Variants in DDX60 observed in about 807,000 individuals in gnomAD.
DDX60 encodes the protein probable ATP-dependent RNA helicase DDX60.
Under a neutral mutation model 212.8 loss-of-function variants are expected in DDX60, and 165 were observed. The ratio of observed to expected loss-of-function variants is 0.78; its 90% confidence interval spans 0.68 to 0.88. DDX60 has a LOEUF of 0.88. Among genes scored for constraint, DDX60 ranks in the 40% least tolerant of loss-of-function variants. The pLI, the probability that DDX60 is intolerant of heterozygous loss-of-function variation, is 0.00. For missense variants in DDX60, 1,905 were observed against 2,003.9 expected, an observed-to-expected ratio of 0.95 and a Z score of 0.94; for synonymous variants, 703 against 685.3, an observed-to-expected ratio of 1.03 and a Z score of -0.40.
At chr4:168,255,316 T>C (rs1431612450) in intron 26 of DDX60, among the ~76,000 whole-genome samples, 1 of 152,224 alleles carries the variant, frequency 6.6e-6, no homozygotes. Context: ...TGATGTTATA[T>C]TAGTGAGACT....
intron 32 of DDX60, 147 bp downstream of exon 32, chr4:168,237,139 T>G: frequency 1.9e-6 from 1 of 512,968 alleles, no homozygotes; most frequent in Non-Finnish European, 3.0e-6. Context: ...TAGTAGGTAT[T>G]TACTTTATCA....
At chr4:168,262,616 G>T in intron 23 of DDX60, 67 bp downstream of exon 23, 3 of 1,055,018 alleles carry the variant, frequency 2.8e-6, no homozygotes, top group Non-Finnish European at 4.2e-6. Flanking sequence ...CCAGTGATTA[G>T]AAAGGGTGAG....
In DDX60 at chr4:168,285,067, T is replaced by G. The variant is rs796234028; in HGVS notation, c.1446-132A>C. On this transcript the variant is annotated intron_variant, in intron 11 of 37. Transcript: ENST00000393743. ...CTGCAATATGATGTGGGTGGTAGAC[T>G]CCAAACAGCAGTTTATTAGAGGTTT... 3.4e-5 allele frequency: 19 copies of G among 564,962 alleles called. No homozygotes were observed. In the African/African-American group the frequency reaches 3.6e-4, roughly 11 times the overall value. 35.0% of individuals were successfully genotyped at this position (564,962 alleles called of 1,614,324 possible).
Position 168,274,075 on chromosome 4 carries a change from G to C in DDX60, c.2313C>G (p.Leu771=). The part of the protein sequence containing the change: ...DFIPDTWQRE[L]LDVVDKNESA... ...ACTCATTCTTATCCACAACATCAAGGAGCTCTCGCTGCAGGGTGCAGAGTA... is the reference window on the plus strand; with the variant it reads ...ACTCATTCTTATCCACAACATCAAGCAGCTCTCGCTGCAGGGTGCAGAGTA... The change falls in exon 17 of 38, where the codon CTC becomes CTG. Residue 771 remains leucine, a synonymous_variant. Coordinates refer to ENST00000393743, the MANE Select transcript of DDX60 (RefSeq NM_017631.6). The C allele has an allele frequency of 1.2e-6, 2 of 1,614,154 alleles. No homozygotes were observed. The highest frequency in any genetic ancestry group is 2.2e-5 in the East Asian group (1 of 44,878).
chr4:168,290,870 C>A (rs1702493858), intron 8 of DDX60, among the ~76,000 whole-genome samples: 1 of 152,126 alleles, frequency 6.6e-6, no homozygotes, highest in Non-Finnish European at 1.5e-5. Context: ...CCACAATGTA[C>A]TAAATGTTTG....
intron 9 of DDX60, 38 bp downstream of exon 9, chr4:168,288,136 G>A (rs1367682077): frequency 2.3e-6 from 3 of 1,293,670 alleles, no homozygotes; most frequent in Non-Finnish European, 3.1e-6. Context: ...AAGTTTATCT[G>A]TGGATGGAAG....
Position 168,221,804 on chromosome 4 carries a change from C to T in DDX60, c.4902G>A (p.Arg1634=). The change falls in exon 36 of 38, where the codon AGG becomes AGA. Residue 1634 remains arginine (R), a synonymous_variant. Transcript: ENST00000393743. ...LLSQKFDNRG[R]KMSLNAYALD... ...GTGCATAGGCATTAAGCGACATTTT[C>T]CTTCCTCGGTTATCAAATTTCTGTG... 1 of 1,613,344 alleles carries T rather than the reference C, an allele frequency of 6.2e-7. No homozygotes were observed. Among genetic ancestry groups the T allele is most frequent in the Non-Finnish European group, 8.5e-7 (1 of 1,179,536 alleles).
intron 1 of DDX60, among the ~76,000 whole-genome samples, chr4:168,317,635 T>C (rs1415892071): frequency 6.6e-6 from 1 of 152,048 alleles, no homozygotes; most frequent in Non-Finnish European, 1.5e-5. Flanking sequence ...TCCCCTTGAG[T>C]GTGGACAGGA....
At chr4:168,239,856 G>A (rs72971483) in intron 30 of DDX60, among the ~76,000 whole-genome samples, 2,955 of 151,606 alleles carry the variant, frequency 0.019, 81 homozygotes, top group African/African-American at 0.067. Context: ...CTAAAGAAAA[G>A]ATCTGACCTA....
In DDX60 at chr4:168,280,436, A is replaced by G; in HGVS notation, c.1877T>C (p.Phe626Ser). 1 of 1,614,188 alleles carries G rather than the reference A, an allele frequency of 6.2e-7. No homozygotes were observed. The highest frequency in any genetic ancestry group is 8.5e-7 in the Non-Finnish European group (1 of 1,180,024). Residue 626 changes from phenylalanine to serine, a missense_variant, in exon 14 of 38, where the codon TTT (phenylalanine) becomes TCT (serine). Transcript: ENST00000393743. ...ACAGCTACTTTTACAGGATTTCAAA[A>G]AATCTTCCAGGCTCTTTATTCCAGA... is the stretch of plus-strand genomic sequence containing the variant. Reference protein sequence around the residue: ...LHSGIKSLEDFLKSCKSSCVK... With the variant: ...LHSGIKSLEDSLKSCKSSCVK...
intron 3 of DDX60, among the ~76,000 whole-genome samples, chr4:168,310,130 C>T (rs998048265): frequency 3.3e-5 from 5 of 152,132 alleles, no homozygotes; most frequent in Admixed American, 1.3e-4. Flanking sequence ...TTTCAAAGTA[C>T]TTTTGATATT....
chr4:168,317,394 AAAG>A (rs1300476785), intron 1 of DDX60, among the ~76,000 whole-genome samples: 2 of 152,172 alleles, frequency 1.3e-5, no homozygotes, highest in South Asian at 2.1e-4. Flanking sequence ...AGGAAGAAGA[AAAG>A]AAGAAGGGAG....
intron 19 of DDX60, among the ~76,000 whole-genome samples, chr4:168,269,339 C>T (rs1327397977): frequency 6.6e-6 from 1 of 152,156 alleles, no homozygotes; most frequent in Admixed American, 6.5e-5. Context: ...TGGCTCACGC[C>T]TGTAATCCCA....
chr4:168,252,633 G>GTT lies in DDX60; in HGVS notation c.3579_3580dup (p.Thr1194LysfsTer9). 1 of 1,609,844 alleles carries GTT rather than the reference G, an allele frequency of 6.2e-7. No individual in the cohort carries two copies. The highest frequency in any genetic ancestry group is 8.5e-7 in the Non-Finnish European group (1 of 1,178,374). The stretch of plus-strand genomic sequence containing the variant: ...TATTAGGCTTTGATCCACATTTCTG[G>GTT]TTTTTTTCTGGCTCTTTTCATCTCT... On this transcript the variant is annotated frameshift_variant, in exon 27 of 38. Coordinates refer to ENST00000393743, the MANE Select transcript of DDX60 (RefSeq NM_017631.6). LOFTEE classifies it high-confidence loss of function.
At chr4:168,290,638 G>A (rs1736052948) in intron 8 of DDX60, among the ~76,000 whole-genome samples, 2 of 152,150 alleles carry the variant, frequency 1.3e-5, no homozygotes, top group South Asian at 2.1e-4. Context: ...TTACAGGTGT[G>A]AGCCACCGCG....
chr4:168,259,788 T>C (rs1198826372), intron 25 of DDX60, among the ~76,000 whole-genome samples: 2 of 151,588 alleles, frequency 1.3e-5, no homozygotes, highest in Admixed American at 1.3e-4. Flanking sequence ...CTATAATATA[T>C]AAAATTTAGC....
chr4:168,275,601 G>T, intron 15 of DDX60, 98 bp from the exon 16 acceptor site: 1 of 1,021,330 alleles, frequency 9.8e-7, no homozygotes. Flanking sequence ...TATGTGAAAA[G>T]CATTTTACCA....
chr4:168,265,878 AAGGGAAG>A (rs1734826650), intron 22 of DDX60, among the ~76,000 whole-genome samples: 3 of 149,122 alleles, frequency 2.0e-5, no homozygotes, highest in Non-Finnish European at 4.5e-5. Flanking sequence ...AAGGGAAGGG[AAGGGAAG>A]GGAAGGGAAG....
intron 8 of DDX60, 138 bp from the exon 9 acceptor site, chr4:168,288,453 T>C: frequency 1.9e-6 from 1 of 540,164 alleles, no homozygotes; most frequent in South Asian, 2.5e-5. Context: ...TCAGGCTGGG[T>C]AATGGTGAAT....
Sources: gnomAD v4.1 joint callset for allele counts (sites outside exome capture counted in the v4.1 genomes callset) on GRCh38, gnomAD v4.1.1 for gene constraint, MANE v1.5 for transcripts, NCBI Gene and HGNC (gene_info 2026-07-23, HGNC 2026-07-21) for gene names.